The following STRN4 variants were observed in gnomAD, a reference collection of about 807,000 sequenced individuals.
The protein encoded by STRN4 is striatin-4.
In STRN4, 27 loss-of-function variants were observed where a neutral mutation model predicts 77.9. The observed-to-expected ratio is 0.35, with a 90% CI of 0.26 to 0.48. The LOEUF is 0.48. STRN4 is among the 20% of genes least tolerant of loss of function. STRN4 has a pLI of 0.99. For synonymous variants in STRN4, 466 were observed against 443.1 expected, an observed-to-expected ratio of 1.05 and a Z score of -0.65; for missense variants, 798 against 1,049.7, an observed-to-expected ratio of 0.76 and a Z score of 3.31.
rs150904033 is a variant in STRN4, at chr19:46,738,947, G to A, written c.283-59C>T. ...TGGGGCTCAGGCTCAATGCCGGTGT[G>A]TCTATCACTCACCCAGGTATAGTGC... is the stretch of plus-strand genomic sequence containing the variant. On this transcript the variant is annotated intron_variant, in intron 1 of 17. Coordinates refer to ENST00000263280, the MANE Select transcript of STRN4 (RefSeq NM_013403.3). This position sits in a 1 kb window ranked among gnomAD's most constrained non-coding sequence, Gnocchi z 4.5. The A allele has an allele frequency of 5.6e-4, 804 of 1,445,458 alleles. 7 individuals carry two copies. In the African/African-American group the frequency reaches 9.9e-3, roughly 18 times the overall value. 89.5% of individuals were successfully genotyped at this position (1,445,458 alleles called of 1,614,324 possible). A position where few individuals can be genotyped will look rare whatever the true frequency, so the allele number is the denominator to read the frequency against.
chr19:46,731,073 A>G (rs777231457), intron 5 of STRN4, 200 bp from the exon 6 acceptor site: 8 of 737,418 alleles, frequency 1.1e-5, no homozygotes, highest in Non-Finnish European at 1.7e-5. Context: ...TGGAAGCCTC[A>G]CTCAGACCGC....
At position 46,728,605 on chromosome 19, in the gene STRN4, A is replaced by G. The variant is rs1420745807; in HGVS notation, c.1039+13T>C. 1 of 1,608,484 alleles carries G rather than the reference A, an allele frequency of 6.2e-7. No individual in the cohort carries two copies. The highest frequency in any genetic ancestry group is 1.3e-5 in the African/African-American group (1 of 74,884). Reference sequence around the variant, plus strand: ...GAAGGCAAGCGGGGGCTGGCCAGAAAACGTCAGCTCACCCAGCTCATGGGG... The same window carrying G: ...GAAGGCAAGCGGGGGCTGGCCAGAAGACGTCAGCTCACCCAGCTCATGGGG... On this transcript the variant is annotated intron_variant, in intron 7 of 17. Transcript: ENST00000263280.
intron 7 of STRN4, 46 bp downstream of exon 7, chr19:46,728,572 T>G (rs1177704314): frequency 1.3e-6 from 2 of 1,590,234 alleles, no homozygotes; most frequent in Non-Finnish European, 1.7e-6. Flanking sequence ...TCCCACCCCC[T>G]CGGTGGGGAA....
chr19:46,737,747 C>A (rs2054397486), intron 3 of STRN4, among the ~76,000 whole-genome samples: 1 of 152,172 alleles, frequency 6.6e-6, no homozygotes, highest in South Asian at 2.1e-4. Context: ...TATTCCTGAT[C>A]TGTGATACAA....
In STRN4 at chr19:46,741,753, C is replaced by G. The variant is rs1254387311; in HGVS notation, c.283-2865G>C. 6.6e-6 allele frequency among the ~76,000 whole-genome samples: 1 copy of G among 152,216 alleles called. No individual in the cohort carries two copies. Among genetic ancestry groups the G allele is most frequent in the Non-Finnish European group, 1.5e-5 (1 of 68,034 alleles). On this transcript the variant is annotated intron_variant, in intron 1 of 17. Coordinates refer to ENST00000263280, the MANE Select transcript of STRN4 (RefSeq NM_013403.3). The surrounding 1 kb of genome is among the most constrained non-coding windows in gnomAD (Gnocchi z 4.9). ...ACATCTAAAGGCTTCGGAGGAGTCC[C>G]AGCAATTCAGTCCTCCCAGGAGCTG...
chr19:46,722,092 TG>T lies in STRN4; in HGVS notation c.2006-21del, dbSNP rs1311173453. 1 of 1,611,530 alleles carries T rather than the reference TG, an allele frequency of 6.2e-7. No individual in the cohort carries two copies. Among genetic ancestry groups the T allele is most frequent in the Non-Finnish European group, 8.5e-7 (1 of 1,179,864 alleles). On this transcript the variant is annotated intron_variant, in intron 15 of 17. Transcript: ENST00000263280. ...GCTTACCTGAGGCGAGAAGGGCGGGTGGCAGGTTCCCCTCCCACTCTGGGCC... is the reference window on the plus strand; with the variant it reads ...GCTTACCTGAGGCGAGAAGGGCGGGTGCAGGTTCCCCTCCCACTCTGGGCC...
chr19:46,729,099 T>C (rs2054190802), intron 6 of STRN4, among the ~76,000 whole-genome samples: 1 of 152,206 alleles, frequency 6.6e-6, no homozygotes. Flanking sequence ...AGATATGCAC[T>C]GGTGTCCGTG....
At position 46,742,656 on chromosome 19, in the gene STRN4, G is replaced by A. The variant is rs572276152; in HGVS notation, c.282+3493C>T. ...CGGCTCACTGCAACTTCTGCTTCCC[G>A]GGTACAAGCGATTCTCCTGCCTCAG... is the stretch of plus-strand genomic sequence containing the variant. On this transcript the variant is annotated intron_variant, in intron 1 of 17. Transcript: ENST00000263280. Among the ~76,000 whole-genome samples the A allele has an allele frequency of 4.0e-3, 605 of 151,706 alleles. 5 individuals carry two copies. The highest frequency in any genetic ancestry group is 5.0e-3 in the Non-Finnish European group (338 of 67,910).
chr19:46,731,049 A>C, intron 5 of STRN4, 176 bp from the exon 6 acceptor site: 1 of 841,236 alleles, frequency 1.2e-6, no homozygotes, highest in Non-Finnish European at 1.8e-6. Context: ...TGCCCAACAA[A>C]TGCTCATTCC....
Position 46,728,064 on chromosome 19 carries a change from T to C in STRN4, c.1040-57A>G, listed in dbSNP as rs1399644964. 9.9e-6 allele frequency: 15 copies of C among 1,508,930 alleles called. No individual in the cohort carries two copies. The Admixed American group carries it at 2.4e-4, about 25-fold the overall frequency. The allele number at this position is 1,508,930 out of a possible 1,614,324, so 93.5% of individuals were successfully genotyped here. A position where few individuals can be genotyped will look rare whatever the true frequency, so the allele number is the denominator to read the frequency against. On this transcript the variant is annotated intron_variant, in intron 7 of 17. Coordinates refer to ENST00000263280, the MANE Select transcript of STRN4 (RefSeq NM_013403.3). ...CCAGCAGTTCCAACCCAGTCTGGCATAGGTGACGCCTTCCCCACACTGAGG... is the reference window on the plus strand; with the variant it reads ...CCAGCAGTTCCAACCCAGTCTGGCACAGGTGACGCCTTCCCCACACTGAGG...
intron 6 of STRN4, among the ~76,000 whole-genome samples, chr19:46,729,107 G>A (rs1028652667): frequency 3.9e-5 from 6 of 152,230 alleles, no homozygotes; most frequent in African/African-American, 7.2e-5. Context: ...ACTGGTGTCC[G>A]TGTGTGAATA....
intron 7 of STRN4, 102 bp downstream of exon 7, chr19:46,728,516 G>T: frequency 7.0e-7 from 1 of 1,430,848 alleles, no homozygotes; most frequent in Non-Finnish European, 9.3e-7. Flanking sequence ...TATCCGTCCG[G>T]TAGAGAGACC....
At chr19:46,745,603 A>C (rs1392657190) in intron 1 of STRN4, among the ~76,000 whole-genome samples, 1 of 151,926 alleles carries the variant, frequency 6.6e-6, no homozygotes, top group African/African-American at 2.4e-5. Context: ...GCGGGTCCCA[A>C]GTTCCCCCCT....
In STRN4 at chr19:46,738,290, A is replaced by T; in HGVS notation, c.387-53T>A. 1 of 1,520,624 alleles carries T rather than the reference A, an allele frequency of 6.6e-7. No individual in the cohort carries two copies. Among genetic ancestry groups the T allele is most frequent in the South Asian group, 1.1e-5 (1 of 89,294 alleles). 94.2% of individuals were successfully genotyped at this position (1,520,624 alleles called of 1,614,324 possible). ...GAGATGCGGGAGAGTAGACAGGGTC[A>T]GTAGTTACCTAAGGAATCCAGAATC... On this transcript the variant is annotated intron_variant, in intron 2 of 17. Transcript: ENST00000263280. The surrounding 1 kb of genome is among the most constrained non-coding windows in gnomAD (Gnocchi z 4.5).
rs1280421855 is a variant in STRN4 at position 46,733,983 on chromosome 19, T to C, written c.540-747A>G. 6.6e-6 allele frequency: 1 copy of C among 152,252 alleles called. No individual in the cohort carries two copies. The highest frequency in any genetic ancestry group is 1.5e-5 in the Non-Finnish European group (1 of 68,054). The allele number at this position is 152,252 out of a possible 1,614,324, so 9.4% of individuals were successfully genotyped here. A position where few individuals can be genotyped will look rare whatever the true frequency, so the allele number is the denominator to read the frequency against. ...CCTTGCTACTCCTCAGGAGGCTTCCTGGCCAGGCCGCCTTTGCCGTTCCCT... is the reference window on the plus strand; with the variant it reads ...CCTTGCTACTCCTCAGGAGGCTTCCCGGCCAGGCCGCCTTTGCCGTTCCCT... On this transcript the variant is annotated intron_variant, in intron 4 of 17. Transcript: ENST00000263280. This position sits in a 1 kb window ranked among gnomAD's most constrained non-coding sequence, Gnocchi z 4.3.
At chr19:46,739,275 G>C (rs569121431) in intron 1 of STRN4, 3 of 249,078 alleles carry the variant, frequency 1.2e-5, no homozygotes, top group East Asian at 8.9e-5. Context: ...CTGTCCCTAA[G>C]GCTGCTGGTG....
At chr19:46,746,055 G>A in intron 1 of STRN4, 94 bp downstream of exon 1, 4 of 1,257,784 alleles carry the variant, frequency 3.2e-6, no homozygotes, top group East Asian at 3.4e-5. Flanking sequence ...CGTCCCGGCG[G>A]CCATTGCTCC....
chr19:46,725,567 G>A lies in STRN4; in HGVS notation c.1330C>T (p.Leu444=). 8 of 1,614,212 alleles carry A rather than the reference G, an allele frequency of 5.0e-6. 1 individual carries two copies. The South Asian group carries it at 8.8e-5, about 18-fold the overall frequency. ...GCCGACTGGCTGTGGTGGAAGGCCA[G>A]GGAACGAATGCCGTCGTAGTGCGAG... The part of the protein sequence containing the change: ...LRSHYDGIRS[L]AFHHSQSALL... Residue 444 remains leucine (L), a synonymous_variant, in exon 10 of 18, where the codon CTG becomes TTG. Coordinates refer to ENST00000263280, the MANE Select transcript of STRN4 (RefSeq NM_013403.3).
In STRN4 at chr19:46,723,552, G is replaced by A. The variant is rs2054032417; in HGVS notation, c.1595-268C>T. 6.6e-6 allele frequency among the ~76,000 whole-genome samples: 1 copy of A among 152,216 alleles called. No individual in the cohort carries two copies. ...CAGCTGTCTCCCCAAGCAGGGCCCAGAAACTGGGAGCTCAATACAGAATTT... is the reference window on the plus strand; with the variant it reads ...CAGCTGTCTCCCCAAGCAGGGCCCAAAAACTGGGAGCTCAATACAGAATTT... On this transcript the variant is annotated intron_variant, in intron 12 of 17. Transcript: ENST00000263280. This position sits in a 1 kb window ranked among gnomAD's most constrained non-coding sequence, Gnocchi z 5.5.
Sources: gnomAD v4.1 joint callset for allele counts (sites outside exome capture counted in the v4.1 genomes callset) on GRCh38, gnomAD v4.1.1 for gene constraint, Gnocchi (gnomAD v3.1) non-coding constraint, MANE v1.5 for transcripts, NCBI Gene and HGNC (gene_info 2026-07-23, HGNC 2026-07-21) for gene names.